CSMD2: variants seen among roughly 807,000 people sequenced by gnomAD.
CSMD2 encodes the protein CUB and sushi domain-containing protein 2.
In CSMD2, 130 loss-of-function variants were observed where a neutral mutation model predicts 398.5. The ratio of observed to expected loss-of-function variants is 0.33; its 90% CI spans 0.28 to 0.38. The LOEUF is 0.38. CSMD2 is among the 10% of genes least tolerant of loss of function. The pLI, the probability that CSMD2 is intolerant of heterozygous loss-of-function variation, is 1.00. For missense variants in CSMD2, 3,829 were observed against 4,764.9 expected (o/e 0.80, Z 5.78); for synonymous variants, 1,828 against 1,908.5 (o/e 0.96, Z 1.10).
At chr1:33,875,855 G>A (rs1179388346) in intron 5 of CSMD2, among the ~76,000 whole-genome samples, 2 of 152,184 alleles carry the variant, frequency 1.3e-5, no homozygotes, top group Non-Finnish European at 2.9e-5. Flanking sequence ...TAATGTTCTT[G>A]TTTTTGTCTG....
chr1:33,798,052 C>T (rs1006692707), intron 10 of CSMD2, among the ~76,000 whole-genome samples: 2 of 152,202 alleles, frequency 1.3e-5, no homozygotes, highest in Non-Finnish European at 2.9e-5. Context: ...TCAGGACGAG[C>T]CTCTAGTGCA....
intron 3 of CSMD2, among the ~76,000 whole-genome samples, chr1:33,968,283 A>C (rs965149814): frequency 6.6e-6 from 1 of 152,188 alleles, no homozygotes; most frequent in African/African-American, 2.4e-5. Flanking sequence ...CTTGCTGTCC[A>C]TCTTTAGAGT....
chr1:33,969,324 T>C (rs1645670994), intron 3 of CSMD2, among the ~76,000 whole-genome samples: 1 of 152,214 alleles, frequency 6.6e-6, no homozygotes, highest in Non-Finnish European at 1.5e-5. Flanking sequence ...AGTATACTAC[T>C]GGATTTGATT....
At chr1:33,848,469 G>A (rs1011619853) in intron 5 of CSMD2, among the ~76,000 whole-genome samples, 1 of 152,176 alleles carries the variant, frequency 6.6e-6, no homozygotes, top group Non-Finnish European at 1.5e-5. Context: ...GAGAGCAAGA[G>A]AGCATACTGA....
chr1:33,601,585 C>T (rs1285150793), intron 43 of CSMD2, among the ~76,000 whole-genome samples: 1 of 152,152 alleles, frequency 6.6e-6, no homozygotes, highest in Non-Finnish European at 1.5e-5. Flanking sequence ...ATTCCCCTAA[C>T]CCCGATGATT....
chr1:33,533,268 T>G lies in CSMD2; in HGVS notation c.9992-39A>C. The G allele has an allele frequency of 1.9e-6, 3 of 1,596,850 alleles. No individual in the cohort carries two copies. Among genetic ancestry groups the G allele is most frequent in the South Asian group, 1.1e-5 (1 of 89,780 alleles). ...AAGACCCTGTTGGACTGGAGGAGAT[T>G]AGGGGCTTCAGGGGCCCTTTCGACC... On this transcript the variant is annotated intron_variant, in intron 63 of 70. Coordinates refer to ENST00000373381, the MANE Select transcript of CSMD2 (RefSeq NM_001281956.2). The surrounding 1 kb of genome is among the most constrained non-coding windows in gnomAD (Gnocchi z 4.2).
intron 53 of CSMD2, 97 bp downstream of exon 53, chr1:33,567,496 T>C: frequency 1.1e-6 from 1 of 933,872 alleles, no homozygotes; most frequent in Non-Finnish European, 1.6e-6. Flanking sequence ...TATATATATA[T>C]TTAAAACAAA....
intron 37 of CSMD2, among the ~76,000 whole-genome samples, chr1:33,619,540 A>G (rs1474302600): frequency 1.3e-5 from 2 of 152,218 alleles, no homozygotes; most frequent in Non-Finnish European, 2.9e-5. Context: ...ACATATAACA[A>G]AATGCAAAAA....
intron 25 of CSMD2, among the ~76,000 whole-genome samples, chr1:33,674,156 C>T (rs1313234741): frequency 6.6e-6 from 1 of 151,958 alleles, no homozygotes; most frequent in African/African-American, 2.4e-5. Flanking sequence ...TTAAAAGACA[C>T]AGACTGGCAA....
intron 12 of CSMD2, 69 bp from the exon 13 acceptor site, chr1:33,772,820 C>T: frequency 1.5e-6 from 2 of 1,353,132 alleles, no homozygotes; most frequent in Non-Finnish European, 2.1e-6. Context: ...GCTGAAGGTC[C>T]ACATGACAAG....
chr1:34,150,982 AG>A (rs1343087479), intron 1 of CSMD2, among the ~76,000 whole-genome samples: 1 of 152,026 alleles, frequency 6.6e-6, no homozygotes, highest in East Asian at 1.9e-4. Flanking sequence ...ATGCTGATAA[AG>A]GGGGGGCGGG....
In CSMD2 at chr1:33,569,354, G is replaced by A; in HGVS notation, c.8131+20C>T. 1.1e-5 allele frequency: 17 copies of A among 1,608,944 alleles called. No homozygotes were observed. The highest frequency in any genetic ancestry group is 1.4e-5 in the Non-Finnish European group (17 of 1,177,044). Reference sequence around the variant, plus strand: ...TCAAGGAGAAAAACTGGGCAGGATAGGCCTGCAGAGGTCACTTACCAAGGC... The same window carrying A: ...TCAAGGAGAAAAACTGGGCAGGATAAGCCTGCAGAGGTCACTTACCAAGGC... On this transcript the variant is annotated intron_variant, in intron 52 of 70. Transcript: ENST00000373381.
At chr1:34,033,700 TC>T (rs2148159250) in intron 2 of CSMD2, among the ~76,000 whole-genome samples, 1 of 152,280 alleles carries the variant, frequency 6.6e-6, no homozygotes, top group Non-Finnish European at 1.5e-5. Context: ...TTTAACTTTG[TC>T]CCCATTTTTA....
At chr1:34,105,572 G>A (rs548999889) in intron 1 of CSMD2, among the ~76,000 whole-genome samples, 31 of 152,238 alleles carry the variant, frequency 2.0e-4, no homozygotes, top group Middle Eastern at 3.4e-3. Flanking sequence ...CATCTTTGTC[G>A]TGCCATGCCC....
rs1642748414 is a variant in CSMD2, at chr1:33,635,589, T to G, written c.4970-259A>C. 6.6e-6 allele frequency among the ~76,000 whole-genome samples: 1 copy of G among 152,202 alleles called. No individual in the cohort carries two copies. Among genetic ancestry groups the G allele is most frequent in the South Asian group, 2.1e-4 (1 of 4,834 alleles). On this transcript the variant is annotated intron_variant, in intron 30 of 70. Transcript: ENST00000373381. This position sits in a 1 kb window ranked among gnomAD's most constrained non-coding sequence, Gnocchi z 5.0. ...GGTGTCAGTTCTTGCCCTCTACCTA[T>G]TAACCCTGGCATTGGTCCCTGAAGT...
At chr1:34,134,767 T>C (rs1638540334) in intron 1 of CSMD2, among the ~76,000 whole-genome samples, 1 of 152,130 alleles carries the variant, frequency 6.6e-6, no homozygotes, top group Admixed American at 6.5e-5. Context: ...ACAAGCAAGG[T>C]GCATAAACAG....
chr1:33,730,543 A>G (rs531475820), intron 15 of CSMD2, among the ~76,000 whole-genome samples: 8 of 152,198 alleles, frequency 5.3e-5, no homozygotes, highest in Middle Eastern at 3.4e-3. Flanking sequence ...ATAATCCCAC[A>G]TGAAGAAACT....
intron 3 of CSMD2, among the ~76,000 whole-genome samples, chr1:33,963,513 A>G (rs1297208820): frequency 6.6e-6 from 1 of 152,212 alleles, no homozygotes; most frequent in Non-Finnish European, 1.5e-5. Context: ...TGAAGGTATC[A>G]ATCATTCCCG....
intron 15 of CSMD2, among the ~76,000 whole-genome samples, chr1:33,737,955 C>A (rs1569612563): frequency 6.6e-6 from 1 of 152,136 alleles, no homozygotes; most frequent in East Asian, 1.9e-4. Flanking sequence ...TACAAAGGCT[C>A]AAGGGGAAAA....
Sources: allele counts gnomAD v4.1 joint callset (sites outside exome capture counted in the v4.1 genomes callset), GRCh38; gene constraint gnomAD v4.1.1; non-coding constraint Gnocchi (gnomAD v3.1); transcripts MANE v1.5; gene names NCBI Gene and HGNC (gene_info 2026-07-23, HGNC 2026-07-21).